Variants in CSE1L observed in about 807,000 individuals in gnomAD.
CSE1L encodes the protein exportin-2.
Under a neutral mutation model 120.4 loss-of-function variants are expected in CSE1L, and 24 were observed. The observed-to-expected ratio is 0.20, with a 90% confidence interval of 0.14 to 0.28. CSE1L has a LOEUF of 0.28. Among genes scored for constraint, CSE1L ranks in the 10% least tolerant of loss-of-function variants. The probability of loss-of-function intolerance (pLI) is 1.00; values close to 1 mark genes in which losing one functional copy is unlikely to be tolerated. For missense variants in CSE1L, 830 were observed against 1,145.2 expected (o/e 0.72, Z 3.97); for synonymous variants, 402 against 398.3 (o/e 1.01, Z -0.11).
chr20:49,072,740 G>A, intron 10 of CSE1L, 43 bp downstream of exon 10: 1 of 1,530,884 alleles, frequency 6.5e-7, no homozygotes, highest in Non-Finnish European at 8.8e-7. Flanking sequence ...TACTAAGTCT[G>A]TGTTTGTTTT....
chr20:49,088,056 A>G lies in CSE1L; in HGVS notation c.1771A>G (p.Ile591Val). 6.2e-7 allele frequency: 1 copy of G among 1,612,828 alleles called. No homozygotes were observed. The highest frequency in any genetic ancestry group is 8.5e-7 in the Non-Finnish European group (1 of 1,179,502). ...CCTACAAGAAGCCATAATCCCCTAC[A>G]TCCCTACTCTCATCACTCAGCTTAC... is the stretch of plus-strand genomic sequence containing the variant. ...SLLQEAIIPY[I>V]PTLITQLTQK... The change falls in exon 17 of 25, where the codon ATC becomes GTC. Residue 591 changes from isoleucine (I) to valine (V), a missense_variant. Coordinates refer to ENST00000262982, the MANE Select transcript of CSE1L (RefSeq NM_001316.4).
intron 1 of CSE1L, among the ~76,000 whole-genome samples, chr20:49,047,592 T>TGA (rs1193997836): frequency 5.2e-5 from 6 of 114,964 alleles, no homozygotes; most frequent in Admixed American, 2.2e-4. Flanking sequence ...TTTTTTTTTT[T>TGA]GAGAGAGAGA....
chr20:49,078,520 T>C, intron 13 of CSE1L, 41 bp from the exon 14 acceptor site: 1 of 1,388,300 alleles, frequency 7.2e-7, no homozygotes. Flanking sequence ...GTAATGATCC[T>C]TACCACTTAA....
intron 3 of CSE1L, among the ~76,000 whole-genome samples, chr20:49,063,884 A>G (rs1049486593): frequency 3.3e-5 from 5 of 152,186 alleles, no homozygotes; most frequent in African/African-American, 7.2e-5. Flanking sequence ...ATTTTGCCCT[A>G]TGTCTTGTGG....
intron 2 of CSE1L, among the ~76,000 whole-genome samples, chr20:49,060,135 T>C (rs1207979784): frequency 1.4e-5 from 2 of 148,072 alleles, no homozygotes; most frequent in Admixed American, 6.9e-5. Flanking sequence ...CAGTGAGTTA[T>C]GATCATGTCA....
intron 2 of CSE1L, among the ~76,000 whole-genome samples, chr20:49,059,222 AG>A (rs1361477064): frequency 1.3e-5 from 2 of 152,210 alleles, no homozygotes; most frequent in Non-Finnish European, 2.9e-5. Flanking sequence ...AATGAAGCCA[AG>A]TAATCAGTTA....
chr20:49,073,159 A>G (rs931114279), intron 10 of CSE1L, among the ~76,000 whole-genome samples: 1 of 151,906 alleles, frequency 6.6e-6, no homozygotes, highest in Non-Finnish European at 1.5e-5. Flanking sequence ...CCACAGGCAC[A>G]CATCACCATG....
chr20:49,089,797 C>G, intron 19 of CSE1L, 51 bp downstream of exon 19: 1 of 1,526,680 alleles, frequency 6.6e-7, no homozygotes, highest in Non-Finnish European at 9.1e-7. Flanking sequence ...CTTGGAGAAA[C>G]TGGGGATGGC....
chr20:49,095,060 G>C lies in CSE1L; in HGVS notation c.2826+97G>C, dbSNP rs544544444. On this transcript the variant is annotated intron_variant, in intron 24 of 24. Transcript: ENST00000262982. ...CTGGTGTCTGTTTTCATTGGTGGGC[G>C]TAATAAAACTAAATCTCATTGAGTT... 23 of 908,852 alleles carry C rather than the reference G, an allele frequency of 2.5e-5. No homozygotes were observed. In the African/African-American group the frequency reaches 3.6e-4, roughly 14 times the overall value. 56.3% of individuals were successfully genotyped at this position (908,852 alleles called of 1,614,324 possible).
intron 8 of CSE1L, 62 bp from the exon 9 acceptor site, chr20:49,072,224 C>G: frequency 6.5e-7 from 1 of 1,544,806 alleles, no homozygotes; most frequent in South Asian, 1.2e-5. Flanking sequence ...ATTTCAGTTA[C>G]TCCTCTTACT....
chr20:49,066,783 C>A (rs1404737478), intron 5 of CSE1L, among the ~76,000 whole-genome samples: 1 of 151,940 alleles, frequency 6.6e-6, no homozygotes, highest in African/African-American at 2.4e-5. Context: ...AATCCTAGCA[C>A]TTTAGGAGGG....
intron 5 of CSE1L, among the ~76,000 whole-genome samples, chr20:49,066,882 A>T (rs1204632328): frequency 2.0e-5 from 3 of 151,914 alleles, no homozygotes; most frequent in Non-Finnish European, 4.4e-5. Context: ...TACAAAAAAA[A>T]CTAGCCAGGC....
At chr20:49,092,958 C>CT (rs972951984) in intron 22 of CSE1L, among the ~76,000 whole-genome samples, 6 of 152,114 alleles carry the variant, frequency 3.9e-5, no homozygotes, top group African/African-American at 4.8e-5. Flanking sequence ...AATAAATTAA[C>CT]TTTGTTTTTG....
rs542342881 is a variant in CSE1L at position 49,093,781 on chromosome 20, G to A, written c.2448-359G>A. Among the ~76,000 whole-genome samples the A allele has an allele frequency of 2.0e-4, 31 of 151,956 alleles. No homozygotes were observed. The East Asian group carries it at 5.8e-3, about 29-fold the overall frequency. On this transcript the variant is annotated intron_variant, in intron 22 of 24. Coordinates refer to ENST00000262982, the MANE Select transcript of CSE1L (RefSeq NM_001316.4). ...AAAATACAAAAATTTGCCGGGCGTG[G>A]TGGTGGGCACCTGTAATCCCACCTA...
chr20:49,081,062 C>T (rs2092009309), intron 14 of CSE1L, among the ~76,000 whole-genome samples: 1 of 151,420 alleles, frequency 6.6e-6, no homozygotes, highest in African/African-American at 2.4e-5. Flanking sequence ...CGGCTCACTG[C>T]AGCCTCCACC....
In CSE1L at chr20:49,075,449, G is replaced by T; in HGVS notation, c.1264G>T (p.Val422Phe). 6.2e-7 allele frequency: 1 copy of T among 1,614,006 alleles called. No individual in the cohort carries two copies. The highest frequency in any genetic ancestry group is 8.5e-7 in the Non-Finnish European group (1 of 1,179,998). ...MLQEYAKNPS[V>F]NWKHKDAAIY... Reference sequence around the variant, plus strand: ...GCAGGAATACGCAAAAAATCCATCTGTCAACTGGAAACACAAAGATGCAGC... The same window carrying T: ...GCAGGAATACGCAAAAAATCCATCTTTCAACTGGAAACACAAAGATGCAGC... Residue 422 changes from valine (V) to phenylalanine (F), a missense_variant, in exon 12 of 25, where the codon GTC becomes TTC. Physicochemically the swap from Val to Phe is conservative, Grantham distance 50. This residue lies in a region of CSE1L where 543 missense variants were observed against 640.2 expected (regional missense o/e 0.85). Transcript: ENST00000262982.
chr20:49,090,378 C>T (rs1172617438), intron 19 of CSE1L, among the ~76,000 whole-genome samples: 6 of 152,076 alleles, frequency 3.9e-5, no homozygotes, highest in East Asian at 1.9e-4. Context: ...GCCAACATGG[C>T]GAAACCCCGT....
chr20:49,055,082 G>T (rs1336952844), intron 1 of CSE1L, among the ~76,000 whole-genome samples: 1 of 152,066 alleles, frequency 6.6e-6, no homozygotes, highest in African/African-American at 2.4e-5. Flanking sequence ...GATTTTTTTT[G>T]GATGCATGTA....
intron 7 of CSE1L, 51 bp from the exon 8 acceptor site, chr20:49,070,154 G>T (rs1277986910): frequency 2.4e-6 from 2 of 827,004 alleles, no homozygotes; most frequent in Non-Finnish European, 3.9e-6. Context: ...TTATAAAAGT[G>T]GTGTTCTTAA....
Sources: gnomAD v4.1 joint callset for allele counts (sites outside exome capture counted in the v4.1 genomes callset) on GRCh38, gnomAD v4.1.1 for gene constraint, gnomAD v4.1.1 regional missense constraint, MANE v1.5 for transcripts, NCBI Gene and HGNC (gene_info 2026-07-23, HGNC 2026-07-21) for gene names.